Variants in GPT2 observed in about 807,000 individuals in gnomAD.
The protein encoded by GPT2 is glutamic--pyruvic transaminase 2.
A neutral mutation model predicts 56.9 loss-of-function variants in GPT2; 30 were observed. The observed-to-expected ratio is 0.53, with a 90% CI of 0.39 to 0.72. The LOEUF (loss-of-function observed/expected upper bound fraction) is 0.72, where lower values mean the gene tolerates loss of function less well. GPT2 is among the 30% of genes least tolerant of loss of function. The pLI is 0.00. For missense variants in GPT2, 542 were observed against 703.4 expected, an observed-to-expected ratio of 0.77 and a Z score of 2.60; for synonymous variants, 271 against 283.1, an observed-to-expected ratio of 0.96 and a Z score of 0.43.
intron 2 of GPT2, among the ~76,000 whole-genome samples, chr16:46,885,873 T>A (rs1456540789): frequency 6.6e-6 from 1 of 152,056 alleles, no homozygotes. Context: ...AAGCTAATAA[T>A]CACCTAGCTG....
In GPT2 at chr16:46,906,980, G is replaced by A; in HGVS notation, c.576+5G>A. On this transcript the variant is annotated splice_donor_5th_base_variant and intron_variant, in intron 5 of 11. Transcript: ENST00000340124. The stretch of plus-strand genomic sequence containing the variant: ...GGAGCTAGTGACGGCATTTCTGTAC[G>A]TGTGAGGGTGGCTCGTTGTTATCCG... The A allele has an allele frequency of 1.9e-6, 3 of 1,614,164 alleles. No individual in the cohort carries two copies. Among genetic ancestry groups the A allele is most frequent in the Non-Finnish European group, 1.7e-6 (2 of 1,180,002 alleles).
intron 6 of GPT2, among the ~76,000 whole-genome samples, chr16:46,910,862 T>C (rs770811176): frequency 3.3e-5 from 5 of 152,200 alleles, no homozygotes; most frequent in Non-Finnish European, 7.3e-5. Context: ...ACTGGGATTA[T>C]AGGCATGAGC....
chr16:46,905,316 T>G (rs897037993), intron 4 of GPT2, among the ~76,000 whole-genome samples: 3 of 152,104 alleles, frequency 2.0e-5, no homozygotes, highest in African/African-American at 7.2e-5. Context: ...CCCAAAGTGC[T>G]GGGAGTAGAG....
intron 8 of GPT2, among the ~76,000 whole-genome samples, chr16:46,920,029 A>C (rs1961254238): frequency 6.6e-6 from 1 of 152,204 alleles, no homozygotes. Context: ...TAATATAGCA[A>C]GACCCCTTCT....
chr16:46,894,869 G>C (rs937699227), intron 2 of GPT2, among the ~76,000 whole-genome samples: 1 of 152,096 alleles, frequency 6.6e-6, no homozygotes, highest in Non-Finnish European at 1.5e-5. Flanking sequence ...GTTTCACTGT[G>C]TTAGCCAGGA....
intron 3 of GPT2, among the ~76,000 whole-genome samples, chr16:46,899,018 TATATATATATATATA>T (rs1455878108): frequency 4.7e-4 from 3 of 6,366 alleles, no homozygotes; most frequent in Non-Finnish European, 9.9e-4. Context: ...TATATATATA[TATATATATATATATA>T]TATTTTTTTT....
chr16:46,890,764 T>C (rs946690666), intron 2 of GPT2, among the ~76,000 whole-genome samples: 1 of 152,216 alleles, frequency 6.6e-6, no homozygotes, highest in African/African-American at 2.4e-5. Context: ...TACTCCATCC[T>C]TTACCACACA....
chr16:46,888,330 T>C (rs1440324103), intron 2 of GPT2, among the ~76,000 whole-genome samples: 1 of 152,254 alleles, frequency 6.6e-6, no homozygotes, highest in Non-Finnish European at 1.5e-5. Context: ...GTCATTGTTT[T>C]CTGTGGCATT....
chr16:46,927,136 G>C, intron 11 of GPT2, 99 bp downstream of exon 11: 1 of 691,404 alleles, frequency 1.4e-6, no homozygotes, highest in Non-Finnish European at 2.4e-6. Flanking sequence ...AGAGAGAGGT[G>C]CGGAGACCCT....
Position 46,930,228 on chromosome 16 carries a change from C to G in GPT2, c.*1231C>G, listed in dbSNP as rs1961513709. The G allele has an allele frequency of 6.6e-6, 1 of 152,524 alleles. No individual in the cohort carries two copies. The highest frequency in any genetic ancestry group is 1.5e-5 in the Non-Finnish European group (1 of 68,204). 9.4% of individuals were successfully genotyped at this position (152,524 alleles called of 1,614,324 possible). A position where few individuals can be genotyped will look rare whatever the true frequency, so the allele number is the denominator to read the frequency against. On this transcript the variant is annotated 3_prime_UTR_variant, in exon 12 of 12. Coordinates refer to ENST00000340124, the MANE Select transcript of GPT2 (RefSeq NM_133443.4). ...CATCCCCCAGCATGCGGCTTCTCTG[C>G]CATTAGCAGCCCTGGGCGGGCCGAC... is the stretch of plus-strand genomic sequence containing the variant.
In GPT2 at chr16:46,884,563, G is replaced by C. The variant is rs1293555861; in HGVS notation, c.-23+96G>C. The C allele has an allele frequency of 3.0e-6, 3 of 985,116 alleles. No homozygotes were observed. The East Asian group carries it at 9.9e-5, about 33-fold the overall frequency. The allele number at this position is 985,116 out of a possible 1,614,324, so 61.0% of individuals were successfully genotyped here. ...CGCCGTGGAGGGTCCGGGTCGCCGG[G>C]GGATGGGCACCAGCGCCGAAGCCAG... On this transcript the variant is annotated intron_variant, in intron 1 of 11. Transcript: ENST00000340124.
At chr16:46,890,531 C>T (rs1304010307) in intron 2 of GPT2, among the ~76,000 whole-genome samples, 1 of 152,154 alleles carries the variant, frequency 6.6e-6, no homozygotes, top group African/African-American at 2.4e-5. Context: ...AGTTCTCTGC[C>T]ATCCTTTCTG....
chr16:46,914,131 A>G (rs1268633675), intron 6 of GPT2, among the ~76,000 whole-genome samples: 2 of 152,210 alleles, frequency 1.3e-5, no homozygotes, highest in Non-Finnish European at 2.9e-5. Flanking sequence ...GTCTCAGGAA[A>G]TACCGAGGGA....
intron 6 of GPT2, chr16:46,915,905 C>CACACACACACCCACCACACCT (rs1266483109): frequency 4.7e-5 from 7 of 149,340 alleles, no homozygotes; most frequent in African/African-American, 1.7e-4. Flanking sequence ...ACCACACAGA[C>CACACACACACCCACCACACCT]ACACACACAC....
At chr16:46,926,399 A>G (rs1375633641) in intron 10 of GPT2, among the ~76,000 whole-genome samples, 1 of 151,922 alleles carries the variant, frequency 6.6e-6, no homozygotes, top group Non-Finnish European at 1.5e-5. Flanking sequence ...TGGTGAGCTG[A>G]GATCATACCA....
chr16:46,899,020 T>TAACACAC (rs1567335256), intron 3 of GPT2, among the ~76,000 whole-genome samples: 1 of 95,074 alleles, frequency 1.1e-5, no homozygotes, highest in African/African-American at 7.6e-5. Context: ...TATATATATA[T>TAACACAC]ATATATATAT....
chr16:46,921,416 G>A (rs1217616904), intron 8 of GPT2, among the ~76,000 whole-genome samples: 3 of 151,998 alleles, frequency 2.0e-5, no homozygotes, highest in African/African-American at 7.2e-5. Flanking sequence ...CAAGTGATCC[G>A]TCCACCTCGG....
At chr16:46,913,125 G>T (rs904315948) in intron 6 of GPT2, among the ~76,000 whole-genome samples, 1 of 152,146 alleles carries the variant, frequency 6.6e-6, no homozygotes, top group African/African-American at 2.4e-5. Flanking sequence ...CTGTTCACTG[G>T]CTCAGCGGGC....
Position 46,895,450 on chromosome 16 carries a change from G to A in GPT2, c.244-2198G>A, listed in dbSNP as rs1162378549. On this transcript the variant is annotated intron_variant, in intron 2 of 11. Transcript: ENST00000340124. ...TGAGGCATGAGAAATGCTTGAACCC[G>A]GGAGGTGGAGGTTGCAGTGAACCGA... 5.9e-5 allele frequency among the ~76,000 whole-genome samples: 9 copies of A among 151,322 alleles called. No individual in the cohort carries two copies. The East Asian group carries it at 1.7e-3, about 29-fold the overall frequency.
Sources: allele counts gnomAD v4.1 joint callset (sites outside exome capture counted in the v4.1 genomes callset), GRCh38; gene constraint gnomAD v4.1.1; transcripts MANE v1.5; gene names NCBI Gene and HGNC (gene_info 2026-07-23, HGNC 2026-07-21).